Variants in MGAT5 observed in about 807,000 individuals in gnomAD.
MGAT5 encodes the protein alpha-1,6-mannosylglycoprotein 6-beta-N-acetylglucosaminyltransferase A.
MGAT5 carries 30 observed loss-of-function variants against 94.3 expected under a neutral mutation model. That is an observed-to-expected ratio of 0.32 (90% CI 0.24 to 0.43). The LOEUF (loss-of-function observed/expected upper bound fraction) is 0.43. MGAT5 is among the 20% of genes least tolerant of loss of function. The pLI, the probability that MGAT5 is intolerant of heterozygous loss-of-function variation, is 1.00. For synonymous variants in MGAT5, 310 were observed against 322.9 expected (o/e 0.96, Z 0.43); for missense variants, 691 against 905.5 (o/e 0.76, Z 3.04).
rs144627567 is a variant in MGAT5 at position 134,409,726 on chromosome 2, T to C, written c.1531-3143T>C. Among the ~76,000 whole-genome samples the C allele has an allele frequency of 4.2e-3, 646 of 152,358 alleles. 2 individuals are homozygous for C. The highest frequency in any genetic ancestry group is 0.012 in the Admixed American group (182 of 15,306). ...ACCCCCTTTATCCATGTTTAAAGAT[T>C]CTTTAAGTACTCCACTTAGCAGTTT... On this transcript the variant is annotated intron_variant, in intron 11 of 15. Transcript: ENST00000281923.
At chr2:134,135,833 A>G (rs1046641311) in intron 1 of MGAT5, among the ~76,000 whole-genome samples, 1 of 151,942 alleles carries the variant, frequency 6.6e-6, no homozygotes, top group Non-Finnish European at 1.5e-5. Flanking sequence ...CCACCCTCCC[A>G]TGCATACAGG....
At chr2:134,181,970 C>G (rs928154146) in intron 1 of MGAT5, among the ~76,000 whole-genome samples, 4 of 152,182 alleles carry the variant, frequency 2.6e-5, no homozygotes, top group African/African-American at 9.7e-5. Flanking sequence ...ACTTGAGTTT[C>G]TTCACTTCCC....
chr2:134,189,620 T>TTTTTTTTTTA (rs67734279), intron 1 of MGAT5, among the ~76,000 whole-genome samples: 1 of 138,328 alleles, frequency 7.2e-6, no homozygotes, highest in African/African-American at 2.9e-5. Flanking sequence ...TTTTTTTTTT[T>TTTTTTTTTTA]AAGACAGAGT....
intron 14 of MGAT5, among the ~76,000 whole-genome samples, chr2:134,441,192 G>A (rs1352497181): frequency 1.3e-5 from 2 of 152,218 alleles, no homozygotes; most frequent in East Asian, 3.9e-4. Flanking sequence ...ACCATATGAG[G>A]TGGTGTCAGA....
At chr2:134,289,249 T>G (rs1685198354) in intron 2 of MGAT5, among the ~76,000 whole-genome samples, 1 of 152,146 alleles carries the variant, frequency 6.6e-6, no homozygotes, top group African/African-American at 2.4e-5. Context: ...CATGGACCTG[T>G]CTTGTTCCCT....
At chr2:134,291,092 A>C (rs951607424) in intron 2 of MGAT5, among the ~76,000 whole-genome samples, 1 of 152,216 alleles carries the variant, frequency 6.6e-6, no homozygotes, top group Non-Finnish European at 1.5e-5. Context: ...ACACACACAC[A>C]AAACATAAAG....
chr2:134,212,708 A>C (rs1385611894), intron 1 of MGAT5, among the ~76,000 whole-genome samples: 1 of 152,192 alleles, frequency 6.6e-6, no homozygotes, highest in Non-Finnish European at 1.5e-5. Context: ...AAAATCAAGA[A>C]TCGAGTTTTC....
chr2:134,168,942 C>T (rs1688074325), intron 1 of MGAT5, among the ~76,000 whole-genome samples: 1 of 152,162 alleles, frequency 6.6e-6, no homozygotes, highest in Admixed American at 6.5e-5. Context: ...ATCAACCTGA[C>T]AGGTTCCAGT....
At chr2:134,292,305 G>T (rs1038146736) in intron 2 of MGAT5, among the ~76,000 whole-genome samples, 11 of 152,212 alleles carry the variant, frequency 7.2e-5, no homozygotes, top group Middle Eastern at 3.4e-3. Flanking sequence ...CTTTTACTCA[G>T]TGCTGACTCT....
At chr2:134,213,968 G>A (rs560976958) in intron 1 of MGAT5, among the ~76,000 whole-genome samples, 10 of 152,264 alleles carry the variant, frequency 6.6e-5, no homozygotes, top group Non-Finnish European at 1.3e-4. Context: ...GATTTTAGGG[G>A]TGGGACTGAA....
At chr2:134,440,515 T>C (rs1344579727) in intron 14 of MGAT5, among the ~76,000 whole-genome samples, 1 of 152,198 alleles carries the variant, frequency 6.6e-6, no homozygotes, top group Admixed American at 6.5e-5. Context: ...CACCCCGCGA[T>C]AGAACCATGT....
At chr2:134,136,438 G>C (rs1458551977) in intron 1 of MGAT5, among the ~76,000 whole-genome samples, 1 of 152,206 alleles carries the variant, frequency 6.6e-6, no homozygotes, top group East Asian at 1.9e-4. Context: ...GTGGTGGCGG[G>C]TGCCTGTAAT....
intron 2 of MGAT5, among the ~76,000 whole-genome samples, chr2:134,293,022 A>G (rs1685464226): frequency 6.6e-6 from 1 of 152,234 alleles, no homozygotes; most frequent in African/African-American, 2.4e-5. Flanking sequence ...GTCACTGGGA[A>G]AAATAGCTAG....
At chr2:134,294,149 C>CGGAA (rs1246104612) in intron 2 of MGAT5, among the ~76,000 whole-genome samples, 2 of 152,176 alleles carry the variant, frequency 1.3e-5, no homozygotes, top group Non-Finnish European at 2.9e-5. Context: ...TTTATTCTAC[C>CGGAA]TTCCAGGGTG....
intron 2 of MGAT5, among the ~76,000 whole-genome samples, chr2:134,295,797 C>G (rs1222588200): frequency 6.6e-6 from 1 of 152,136 alleles, no homozygotes. Flanking sequence ...AGTTCAGCCT[C>G]TTGCCTTAAT....
chr2:134,386,065 G>T (rs546765587), intron 10 of MGAT5, among the ~76,000 whole-genome samples: 1 of 152,088 alleles, frequency 6.6e-6, no homozygotes, highest in Non-Finnish European at 1.5e-5. Flanking sequence ...ATTTTGATCC[G>T]GTGACAAATT....
At chr2:134,422,463 G>C (rs770407944) in intron 12 of MGAT5, among the ~76,000 whole-genome samples, 5 of 152,138 alleles carry the variant, frequency 3.3e-5, no homozygotes, top group Non-Finnish European at 7.4e-5. Context: ...CAGGAGAATA[G>C]ATACTGGTTT....
intron 1 of MGAT5, among the ~76,000 whole-genome samples, chr2:134,234,340 C>T (rs975086594): frequency 2.0e-4 from 30 of 152,168 alleles, no homozygotes; most frequent in African/African-American, 7.0e-4. Flanking sequence ...GGACTTTTCC[C>T]AACAGATATT....
Position 134,232,187 on chromosome 2 carries a change from A to G in MGAT5, c.-142-22075A>G, listed in dbSNP as rs144458345. ...TATTTCTAGCATTTGGTTTCTTATT[A>G]TGACTGGACTGCCACTACCCTGTTC... On this transcript the variant is annotated intron_variant, in intron 1 of 16. Transcript: ENST00000409645. 9.3e-3 allele frequency among the ~76,000 whole-genome samples: 1,408 copies of G among 152,184 alleles called. 10 individuals carry two copies. The highest frequency in any genetic ancestry group is 0.014 in the Non-Finnish European group (933 of 68,008).
Sources: gnomAD v4.1 joint callset for allele counts (sites outside exome capture counted in the v4.1 genomes callset) on GRCh38, gnomAD v4.1.1 for gene constraint, MANE v1.5 for transcripts, NCBI Gene and HGNC (gene_info 2026-07-23, HGNC 2026-07-21) for gene names.